Variants in TAOK3 observed in about 807,000 individuals in gnomAD.
TAOK3 encodes the protein serine/threonine-protein kinase TAO3.
TAOK3 carries 40 observed loss-of-function variants against 120.4 expected under a neutral mutation model. That is an observed-to-expected ratio of 0.33 (90% confidence interval 0.26 to 0.43). The LOEUF is 0.43. Ranked by LOEUF, TAOK3 falls within the 20% of genes least tolerant of loss-of-function variation. The pLI is 1.00. For synonymous variants in TAOK3, 355 were observed against 387.5 expected (o/e 0.92, Z 0.99); for missense variants, 821 against 1,112.1 (o/e 0.74, Z 3.72).
At chr12:118,287,109 G>T (rs1000029236) in intron 1 of TAOK3, among the ~76,000 whole-genome samples, 9 of 152,128 alleles carry the variant, frequency 5.9e-5, no homozygotes, top group African/African-American at 2.2e-4. Context: ...TACAAATTGT[G>T]TGCAGTGTAT....
At chr12:118,271,560 A>G (rs1157530185) in intron 1 of TAOK3, among the ~76,000 whole-genome samples, 1 of 152,198 alleles carries the variant, frequency 6.6e-6, no homozygotes, top group African/African-American at 2.4e-5. Flanking sequence ...GTCACATTTT[A>G]TCCATTTATC....
intron 1 of TAOK3, among the ~76,000 whole-genome samples, chr12:118,351,028 A>C (rs1025299687): frequency 1.3e-5 from 2 of 151,200 alleles, no homozygotes; most frequent in African/African-American, 4.9e-5. Flanking sequence ...AAAATACAAA[A>C]ATTGGCCAGG....
At chr12:118,262,823 T>C (rs1236949050) in intron 2 of TAOK3, among the ~76,000 whole-genome samples, 2 of 121,514 alleles carry the variant, frequency 1.6e-5, no homozygotes, top group African/African-American at 3.5e-5. Flanking sequence ...CAAGACTCCG[T>C]CTCAAAAAAA....
intron 11 of TAOK3, among the ~76,000 whole-genome samples, chr12:118,208,339 T>A (rs2038442671): frequency 1.3e-5 from 2 of 152,128 alleles, no homozygotes; most frequent in Admixed American, 6.5e-5. Flanking sequence ...GATTTTTACC[T>A]CACTCCTTGT....
At chr12:118,328,535 T>C (rs2044021868) in intron 1 of TAOK3, among the ~76,000 whole-genome samples, 1 of 152,286 alleles carries the variant, frequency 6.6e-6, no homozygotes, top group African/African-American at 2.4e-5. Flanking sequence ...GAGAACATAA[T>C]CTTACTGTTC....
At chr12:118,353,416 G>C (rs1407227869) in intron 1 of TAOK3, among the ~76,000 whole-genome samples, 1 of 152,036 alleles carries the variant, frequency 6.6e-6, no homozygotes, top group Non-Finnish European at 1.5e-5. Flanking sequence ...CAATAGAACA[G>C]AAAGAATAGG....
chr12:118,172,405 A>G, intron 17 of TAOK3, 52 bp downstream of exon 17: 2 of 1,578,802 alleles, frequency 1.3e-6, no homozygotes, highest in South Asian at 1.1e-5. Context: ...CAAGCCTCAC[A>G]TAGCATATTG....
At chr12:118,279,818 G>A (rs1237402856) in intron 1 of TAOK3, among the ~76,000 whole-genome samples, 1 of 149,996 alleles carries the variant, frequency 6.7e-6, no homozygotes, top group African/African-American at 2.5e-5. Flanking sequence ...AGGCTGGAGT[G>A]CAGTGGCTTT....
intron 9 of TAOK3, among the ~76,000 whole-genome samples, chr12:118,217,851 A>G (rs1375916663): frequency 2.2e-5 from 2 of 92,586 alleles, no homozygotes; most frequent in Non-Finnish European, 2.1e-5. Context: ...ATATATATAT[A>G]TATATATATA....
At chr12:118,367,769 A>G (rs1404717294) in intron 1 of TAOK3, among the ~76,000 whole-genome samples, 1 of 148,704 alleles carries the variant, frequency 6.7e-6, no homozygotes, top group Non-Finnish European at 1.5e-5. Flanking sequence ...TCTCCCTTCT[A>G]TTTTTTTTTG....
intron 19 of TAOK3, among the ~76,000 whole-genome samples, chr12:118,157,480 T>C (rs1592966923): frequency 6.6e-6 from 1 of 152,198 alleles, no homozygotes; most frequent in African/African-American, 2.4e-5. Flanking sequence ...CATAATAGAT[T>C]TCTGTGAATT....
intron 1 of TAOK3, among the ~76,000 whole-genome samples, chr12:118,354,807 G>A (rs1374148158): frequency 1.3e-5 from 2 of 152,110 alleles, no homozygotes; most frequent in Non-Finnish European, 2.9e-5. Flanking sequence ...TGCCATGATT[G>A]TGAGGCCTCC....
At position 118,201,475 on chromosome 12, in the gene TAOK3, A is replaced by AG. The variant is rs1204220871; in HGVS notation, c.820-13dup. The AG allele has an allele frequency of 6.3e-7, 1 of 1,596,134 alleles. No homozygotes were observed. Among genetic ancestry groups the AG allele is most frequent in the Non-Finnish European group, 8.5e-7 (1 of 1,170,452 alleles). ...CGAACAAAGTCATGCTGATTGAGGG[A>AG]GGAGGAAAAAATAAACTGATAATGA... On this transcript the variant is annotated splice_polypyrimidine_tract_variant and intron_variant, in intron 11 of 20. Transcript: ENST00000392533.
chr12:118,369,331 G>GGGAAT (rs1214053447), intron 1 of TAOK3, among the ~76,000 whole-genome samples: 4 of 152,128 alleles, frequency 2.6e-5, no homozygotes, highest in Admixed American at 2.6e-4. Context: ...TAACCCCCCA[G>GGGAAT]GGAATGAAGT....
chr12:118,282,060 G>A (rs2042117995), intron 1 of TAOK3, among the ~76,000 whole-genome samples: 1 of 152,154 alleles, frequency 6.6e-6, no homozygotes, highest in Non-Finnish European at 1.5e-5. Context: ...AACAAAAATG[G>A]AATGTTTTCT....
chr12:118,201,178 CTT>C, intron 12 of TAOK3, 116 bp downstream of exon 12: 2 of 971,690 alleles, frequency 2.1e-6, no homozygotes, highest in Admixed American at 5.2e-5. Context: ...CTTCATGTTT[CTT>C]AAGGCGGACA....
At chr12:118,188,139 T>C (rs1457101055) in intron 14 of TAOK3, among the ~76,000 whole-genome samples, 1 of 152,236 alleles carries the variant, frequency 6.6e-6, no homozygotes, top group Admixed American at 6.5e-5. Context: ...GTATAATGTC[T>C]GCTTCACATG....
At chr12:118,270,663 A>G (rs957804861) in intron 1 of TAOK3, among the ~76,000 whole-genome samples, 1 of 146,594 alleles carries the variant, frequency 6.8e-6, no homozygotes, top group Non-Finnish European at 1.5e-5. Context: ...GTCCAGCTAA[A>G]TGTCACTTTT....
intron 11 of TAOK3, among the ~76,000 whole-genome samples, chr12:118,203,069 C>T (rs972982275): frequency 2.0e-5 from 3 of 151,972 alleles, no homozygotes; most frequent in Non-Finnish European, 4.4e-5. Context: ...CGTGAGCCAC[C>T]GCACCGCACC....
Sources: gnomAD v4.1 joint callset for allele counts (sites outside exome capture counted in the v4.1 genomes callset) on GRCh38, gnomAD v4.1.1 for gene constraint, MANE v1.5 for transcripts, NCBI Gene and HGNC (gene_info 2026-07-23, HGNC 2026-07-21) for gene names.